Variants in FRMD4B observed in about 807,000 individuals in gnomAD.
FRMD4B encodes the protein FERM domain containing 4B, also known as FERM domain-containing protein 4B.
In FRMD4B, 74 loss-of-function variants were observed where a neutral mutation model predicts 141.5. The ratio of observed to expected loss-of-function variants is 0.52; its 90% CI spans 0.43 to 0.63. The LOEUF is 0.63. FRMD4B is among the 30% of genes least tolerant of loss of function. The pLI is 0.00. For missense variants in FRMD4B, 1,366 were observed against 1,253.4 expected (o/e 1.09, Z -1.36); for synonymous variants, 506 against 467.9 (o/e 1.08, Z -1.05).
chr3:69,311,922 T>G (rs573428660), intron 2 of FRMD4B, among the ~76,000 whole-genome samples: 188 of 152,312 alleles, frequency 1.2e-3, no homozygotes, highest in African/African-American at 4.1e-3. Flanking sequence ...TTATTTCCAT[T>G]TTATAAATGA....
chr3:69,539,542 G>A (rs73835884), intron 1 of FRMD4B, among the ~76,000 whole-genome samples: 10,158 of 152,206 alleles, frequency 0.067, 408 homozygotes, highest in Non-Finnish European at 0.081. Context: ...AAACAGGATC[G>A]TGATCACCAT....
intron 1 of FRMD4B, among the ~76,000 whole-genome samples, chr3:69,354,742 G>A (rs1374758427): frequency 6.6e-6 from 1 of 152,100 alleles, no homozygotes; most frequent in East Asian, 1.9e-4. Flanking sequence ...AGAAACCGGG[G>A]AGTGGCTTTA....
chr3:69,541,886 C>A (rs975141014), intron 1 of FRMD4B, among the ~76,000 whole-genome samples: 2 of 151,986 alleles, frequency 1.3e-5, no homozygotes, highest in Non-Finnish European at 2.9e-5. Context: ...GCGCGGCAAC[C>A]GAAGCACGCG....
Position 69,311,335 on chromosome 3 carries a change from A to T in FRMD4B, c.251T>A (p.Leu84Ter). The T allele has an allele frequency of 6.2e-7, 1 of 1,602,150 alleles. No homozygotes were observed. ...LVQPKLLARE[L>*]LDLVASHFNL... Reference sequence around the variant, plus strand: ...GAAATGTGAAGCCACTAGGTCCAGCAACTCTCTTGCTAGAAGTTTGGGCTG... The same window carrying T: ...GAAATGTGAAGCCACTAGGTCCAGCTACTCTCTTGCTAGAAGTTTGGGCTG... The change falls in exon 3 of 23, where the codon TTG (leucine) becomes TAG (stop). Residue 84 changes from leucine to a stop codon, truncating the protein, a stop_gained. Transcript: ENST00000398540. LOFTEE classifies it high-confidence loss of function.
chr3:69,414,127 A>C (rs780033073), intron 2 of FRMD4B, among the ~76,000 whole-genome samples: 34 of 152,188 alleles, frequency 2.2e-4, no homozygotes, highest in Non-Finnish European at 5.9e-5. Context: ...CATTTCATCT[A>C]TAGGGAGAGA....
chr3:69,250,584 T>G (rs1277606102), intron 5 of FRMD4B, among the ~76,000 whole-genome samples: 2 of 152,154 alleles, frequency 1.3e-5, no homozygotes, highest in African/African-American at 4.8e-5. Context: ...CACTTCTGTG[T>G]CAATGACACA....
At chr3:69,320,021 G>T (rs1192047736) in intron 1 of FRMD4B, among the ~76,000 whole-genome samples, 1 of 152,120 alleles carries the variant, frequency 6.6e-6, no homozygotes, top group Non-Finnish European at 1.5e-5. Context: ...ATCTTAGACG[G>T]TATCTATTAA....
chr3:69,321,400 C>CTA (rs1701991348), intron 1 of FRMD4B, among the ~76,000 whole-genome samples: 2 of 152,104 alleles, frequency 1.3e-5, no homozygotes, highest in South Asian at 4.1e-4. Context: ...TTGACCTTTT[C>CTA]GAAAGCCTAG....
chr3:69,478,533 C>G (rs1346846710), intron 1 of FRMD4B, among the ~76,000 whole-genome samples: 1 of 152,170 alleles, frequency 6.6e-6, no homozygotes, highest in Non-Finnish European at 1.5e-5. Context: ...GTTTCTTAAT[C>G]CTGAGTTCTA....
At chr3:69,199,552 C>T (rs1232608705) in intron 11 of FRMD4B, among the ~76,000 whole-genome samples, 1 of 152,228 alleles carries the variant, frequency 6.6e-6, no homozygotes, top group East Asian at 1.9e-4. Flanking sequence ...TGAGATACCA[C>T]TTTCCTACCT....
At chr3:69,330,260 CTGAG>C (rs1388998198) in intron 1 of FRMD4B, among the ~76,000 whole-genome samples, 3 of 145,408 alleles carry the variant, frequency 2.1e-5, no homozygotes, top group African/African-American at 8.0e-5. Flanking sequence ...CCATTGGCAG[CTGAG>C]TGACTCCTTT....
At chr3:69,443,822 C>T (rs1705372950) in intron 1 of FRMD4B, among the ~76,000 whole-genome samples, 1 of 152,322 alleles carries the variant, frequency 6.6e-6, no homozygotes, top group South Asian at 2.1e-4. Context: ...TGAAAAGCCA[C>T]AAGGTTAGGA....
In FRMD4B at chr3:69,225,694, CAAAAAAAAAAAAA is replaced by C. The variant is rs144489759; in HGVS notation, c.582-1017_582-1005del. 5.1e-3 allele frequency among the ~76,000 whole-genome samples: 120 copies of C among 23,324 alleles called. 1 individual carries two copies. Among genetic ancestry groups the C allele is most frequent in the African/African-American group, 0.021 (115 of 5,400 alleles). The allele number at this position is 23,324 out of a possible 152,430, so 15.3% of individuals were successfully genotyped here. A position where few individuals can be genotyped will look rare whatever the true frequency, so the allele number is the denominator to read the frequency against. On this transcript the variant is annotated intron_variant, in intron 7 of 22. Coordinates refer to ENST00000398540, the MANE Select transcript of FRMD4B (RefSeq NM_015123.3). ...TTGGCGACAGAGCAAGACTCCGTCT[CAAAAAAAAAAAAA>C]AAAAAAAAAAAAAAAAAAAAAGAGG...
intron 2 of FRMD4B, among the ~76,000 whole-genome samples, chr3:69,405,201 T>A (rs1428119184): frequency 6.6e-6 from 1 of 152,250 alleles, no homozygotes; most frequent in Non-Finnish European, 1.5e-5. Flanking sequence ...TTCATTCATT[T>A]TCTCTGGTGT....
chr3:69,506,943 A>C (rs748528965), intron 1 of FRMD4B, among the ~76,000 whole-genome samples: 33 of 152,300 alleles, frequency 2.2e-4, no homozygotes, highest in Admixed American at 3.9e-4. Context: ...CCAAGGTGTT[A>C]ATTTCAGAGA....
intron 5 of FRMD4B, among the ~76,000 whole-genome samples, chr3:69,269,750 G>C (rs890688520): frequency 2.0e-5 from 3 of 151,912 alleles, no homozygotes; most frequent in Middle Eastern, 3.4e-3. Context: ...CTCCCAAGTA[G>C]CTGGGACTAC....
At chr3:69,537,928 T>G (rs1456354628) in intron 1 of FRMD4B, among the ~76,000 whole-genome samples, 2 of 152,356 alleles carry the variant, frequency 1.3e-5, no homozygotes, top group African/African-American at 2.4e-5. Context: ...TTTGATGTCC[T>G]CTGTCTACAT....
At chr3:69,432,930 C>G (rs545568211) in intron 1 of FRMD4B, 2 of 152,162 alleles carry the variant, frequency 1.3e-5, no homozygotes, top group African/African-American at 4.8e-5. Context: ...GAATAGAGTT[C>G]TCTCGAAATA....
At chr3:69,376,861 C>T (rs1384082905) in intron 1 of FRMD4B, 1 of 151,762 alleles carries the variant, frequency 6.6e-6, no homozygotes, top group Non-Finnish European at 1.5e-5. Flanking sequence ...CCACAACAAC[C>T]AACTGGGACA....
Sources: gnomAD v4.1 joint callset for allele counts (sites outside exome capture counted in the v4.1 genomes callset) on GRCh38, gnomAD v4.1.1 for gene constraint, MANE v1.5 for transcripts, NCBI Gene and HGNC (gene_info 2026-07-23, HGNC 2026-07-21) for gene names.